RIMS2: variants seen among roughly 807,000 people sequenced by gnomAD.
RIMS2 encodes the protein regulating synaptic membrane exocytosis 2.
In RIMS2, 59 loss-of-function variants were observed where a neutral mutation model predicts 174.4. That is an observed-to-expected ratio of 0.34 (90% confidence interval 0.27 to 0.42). The LOEUF is 0.42. Ranked by LOEUF, RIMS2 falls within the 10% of genes least tolerant of loss-of-function variation. RIMS2 has a pLI of 1.00. For synonymous variants in RIMS2, 606 were observed against 572.5 expected (o/e 1.06, Z -0.84); for missense variants, 1,620 against 1,666.3 (o/e 0.97, Z 0.48).
chr8:103,736,176 C>T (rs2097682986), intron 2 of RIMS2, among the ~76,000 whole-genome samples: 1 of 152,104 alleles, frequency 6.6e-6, no homozygotes, highest in South Asian at 2.1e-4. Flanking sequence ...TGCAGTCATA[C>T]TTGTTGTAAT....
At chr8:103,912,980 T>G (rs2075986062) in intron 6 of RIMS2, among the ~76,000 whole-genome samples, 1 of 146,316 alleles carries the variant, frequency 6.8e-6, no homozygotes, top group East Asian at 2.0e-4. Flanking sequence ...GTTTTTTTTT[T>G]TTTTTTTTTT....
chr8:104,131,055 A>G (rs1393454663), intron 19 of RIMS2, among the ~76,000 whole-genome samples: 1 of 152,214 alleles, frequency 6.6e-6, no homozygotes, highest in Non-Finnish European at 1.5e-5. Context: ...AGGAGTCATT[A>G]AAGAAATTCT....
intron 2 of RIMS2, among the ~76,000 whole-genome samples, chr8:103,765,883 G>A (rs1200576677): frequency 2.6e-5 from 4 of 151,952 alleles, no homozygotes; most frequent in Non-Finnish European, 5.9e-5. Context: ...TTTGGAGTTG[G>A]TATTTAAACC....
intron 19 of RIMS2, among the ~76,000 whole-genome samples, chr8:104,205,988 T>C (rs765695323): frequency 3.9e-5 from 6 of 152,178 alleles, no homozygotes; most frequent in Non-Finnish European, 7.3e-5. Context: ...ACTCCTGACC[T>C]CAAGTGATCC....
intron 19 of RIMS2, among the ~76,000 whole-genome samples, chr8:104,161,182 T>G (rs1364539278): frequency 6.6e-6 from 1 of 152,160 alleles, no homozygotes; most frequent in African/African-American, 2.4e-5. Context: ...ATCATTAATA[T>G]TATTATTATA....
intron 2 of RIMS2, among the ~76,000 whole-genome samples, chr8:103,731,904 TC>T (rs2097601060): frequency 6.6e-6 from 1 of 152,230 alleles, no homozygotes; most frequent in East Asian, 1.9e-4. Flanking sequence ...TTTTGAATTT[TC>T]TATATGAAAG....
chr8:103,640,307 C>A (rs1435778294), intron 1 of RIMS2, among the ~76,000 whole-genome samples: 1 of 151,694 alleles, frequency 6.6e-6, no homozygotes, highest in East Asian at 1.9e-4. Context: ...AGGAATTTAT[C>A]AATTTATTGG....
chr8:103,536,681 G>C (rs1192325890), intron 1 of RIMS2, among the ~76,000 whole-genome samples: 1 of 152,106 alleles, frequency 6.6e-6, no homozygotes, highest in Non-Finnish European at 1.5e-5. Context: ...TAAATAGCTA[G>C]ATCTTGCAAA....
chr8:104,219,000 C>A (rs2099143596), intron 19 of RIMS2, among the ~76,000 whole-genome samples: 1 of 152,126 alleles, frequency 6.6e-6, no homozygotes, highest in Non-Finnish European at 1.5e-5. Context: ...AGTGATCAAA[C>A]CTCTATTTCA....
chr8:104,046,333 C>T (rs980856635), intron 19 of RIMS2, among the ~76,000 whole-genome samples: 6 of 151,988 alleles, frequency 3.9e-5, no homozygotes, highest in Non-Finnish European at 8.8e-5. Flanking sequence ...ACCAAAAGCT[C>T]CATCTGCTAA....
At position 103,730,800 on chromosome 8, in the gene RIMS2, C is replaced by G. The variant is rs925903079; in HGVS notation, c.387+33504C>G. Among the ~76,000 whole-genome samples, 12 of 152,250 alleles carry G rather than the reference C, an allele frequency of 7.9e-5. No individual in the cohort carries two copies. The South Asian group carries it at 2.3e-3, about 29-fold the overall frequency. On this transcript the variant is annotated intron_variant, in intron 2 of 23. Transcript: ENST00000504942. ...ATGAAATCTCTCAGCTTTAGTTTGT[C>G]TGGGGAAGTCTGTATTTCTCCTTCA...
chr8:104,172,092 A>G (rs7846107), intron 19 of RIMS2, among the ~76,000 whole-genome samples: 11,039 of 152,120 alleles, frequency 0.073, 532 homozygotes, highest in East Asian at 0.15. Context: ...TTTTTCTTCA[A>G]TGTTTTATTT....
intron 1 of RIMS2, among the ~76,000 whole-genome samples, chr8:103,581,055 T>C (rs1422198171): frequency 6.6e-6 from 1 of 151,960 alleles, no homozygotes; most frequent in African/African-American, 2.4e-5. Flanking sequence ...CCTGACCTCG[T>C]GATCTGCCCG....
chr8:103,787,521 T>G (rs2098454985), intron 3 of RIMS2, among the ~76,000 whole-genome samples: 1 of 151,868 alleles, frequency 6.6e-6, no homozygotes, highest in Admixed American at 6.6e-5. Flanking sequence ...TATTTCTCCT[T>G]CGCTTATGAA....
At chr8:103,844,041 A>C (rs980514756) in intron 3 of RIMS2, among the ~76,000 whole-genome samples, 2 of 152,098 alleles carry the variant, frequency 1.3e-5, no homozygotes, top group Non-Finnish European at 2.9e-5. Context: ...TTCCCTGCAC[A>C]AGCTTTATTT....
chr8:103,778,823 G>A (rs1004742036), intron 3 of RIMS2, among the ~76,000 whole-genome samples: 2 of 151,958 alleles, frequency 1.3e-5, no homozygotes, highest in Non-Finnish European at 2.9e-5. Flanking sequence ...TTGAGGAACC[G>A]CCAAACTCTT....
At chr8:103,669,533 A>T (rs2096718614) in intron 1 of RIMS2, among the ~76,000 whole-genome samples, 1 of 152,208 alleles carries the variant, frequency 6.6e-6, no homozygotes, top group African/African-American at 2.4e-5. Context: ...GAGCCTGTAA[A>T]ATCAAAAGTA....
chr8:104,092,602 A>ATT (rs538871000), intron 19 of RIMS2, among the ~76,000 whole-genome samples: 17 of 150,806 alleles, frequency 1.1e-4, no homozygotes, highest in African/African-American at 3.9e-4. Context: ...ATTATTATCC[A>ATT]TTTTTTTTTA....
intron 4 of RIMS2, among the ~76,000 whole-genome samples, chr8:103,888,412 G>C (rs759920472): frequency 9.9e-5 from 15 of 151,188 alleles, no homozygotes; most frequent in Non-Finnish European, 2.2e-4. Flanking sequence ...CTAAGCTGTA[G>C]TACTTCCTTA....
Sources: allele counts gnomAD v4.1 joint callset (sites outside exome capture counted in the v4.1 genomes callset), GRCh38; gene constraint gnomAD v4.1.1; transcripts MANE v1.5; gene names NCBI Gene and HGNC (gene_info 2026-07-23, HGNC 2026-07-21).